Variants in GCN1 observed in about 807,000 individuals in gnomAD.
GCN1 encodes stalled ribosome sensor GCN1.
In GCN1, 90 loss-of-function variants were observed where a neutral mutation model predicts 288.4. The ratio of observed to expected loss-of-function variants is 0.31; its 90% CI spans 0.26 to 0.37. The LOEUF is 0.37. Among genes scored for constraint, GCN1 ranks in the 10% least tolerant of loss-of-function variants. The pLI is 1.00. For synonymous variants in GCN1, 1,386 were observed against 1,420.2 expected (o/e 0.98, Z 0.54); for missense variants, 2,586 against 3,419.9 (o/e 0.76, Z 6.08).
Position 120,161,449 on chromosome 12 carries a change from A to C in GCN1, c.2436+41T>G, listed in dbSNP as rs1877922743. The C allele has an allele frequency of 2.2e-6, 3 of 1,384,306 alleles. No individual in the cohort carries two copies. In the East Asian group the frequency reaches 6.8e-5, roughly 32 times the overall value. The allele number at this position is 1,384,306 out of a possible 1,614,324, so 85.8% of individuals were successfully genotyped here. A position where few individuals can be genotyped will look rare whatever the true frequency, so the allele number is the denominator to read the frequency against. ...AAAAGCCACCAGCTTGAGGCCACCA[A>C]GCTCAGCAGCCACCTTCCGTAAGTG... On this transcript the variant is annotated intron_variant, in intron 22 of 57. Transcript: ENST00000300648.
At chr12:120,192,020 A>T (rs1046687468) in intron 1 of GCN1, among the ~76,000 whole-genome samples, 4 of 152,210 alleles carry the variant, frequency 2.6e-5, no homozygotes, top group Non-Finnish European at 5.9e-5. Flanking sequence ...CAGTGATTAC[A>T]TTATATGTAA....
chr12:120,135,784 G>C (rs1048145806), intron 51 of GCN1, among the ~76,000 whole-genome samples: 5 of 152,082 alleles, frequency 3.3e-5, no homozygotes, highest in African/African-American at 1.2e-4. Flanking sequence ...GGGATAGGGG[G>C]AGCTGGTAAA....
intron 46 of GCN1, 84 bp from the exon 47 acceptor site, chr12:120,138,499 T>C (rs1408974421): frequency 9.6e-7 from 1 of 1,044,412 alleles, no homozygotes; most frequent in East Asian, 2.4e-5. Flanking sequence ...TCTCCACTTG[T>C]TTCCCTCCCT....
intron 38 of GCN1, among the ~76,000 whole-genome samples, chr12:120,146,660 A>C (rs1877373062): frequency 6.6e-6 from 1 of 152,196 alleles, no homozygotes; most frequent in South Asian, 2.1e-4. Context: ...GTGAGCTCCT[A>C]AGGCAGACAG....
chr12:120,144,272 C>T lies in GCN1; in HGVS notation c.5495+34G>A, dbSNP rs1448430425. ...ATTATAGGCATGAGCCACCACGCATCATCCCCACTGGGTCTTTCTGCCCAA... is the reference window on the plus strand; with the variant it reads ...ATTATAGGCATGAGCCACCACGCATTATCCCCACTGGGTCTTTCTGCCCAA... On this transcript the variant is annotated intron_variant, in intron 42 of 57. Coordinates refer to ENST00000300648, the MANE Select transcript of GCN1 (RefSeq NM_006836.2). The surrounding 1 kb of genome is among the most constrained non-coding windows in gnomAD (Gnocchi z 4.7). 8.1e-6 allele frequency: 13 copies of T among 1,612,830 alleles called. No individual in the cohort carries two copies. Among genetic ancestry groups the T allele is most frequent in the Middle Eastern group, 3.3e-4 (2 of 6,062 alleles).
intron 39 of GCN1, 31 bp from the exon 40 acceptor site, chr12:120,145,092 GAGA>G (rs774445425): frequency 1.2e-6 from 2 of 1,613,682 alleles, no homozygotes; most frequent in Admixed American, 1.7e-5. Flanking sequence ...GAGATGGTGT[GAGA>G]AGATGAGGCT....
chr12:120,128,815 G>A (rs1429703905), intron 57 of GCN1, among the ~76,000 whole-genome samples: 1 of 149,594 alleles, frequency 6.7e-6, no homozygotes, highest in Non-Finnish European at 1.5e-5. Flanking sequence ...ATGTTTTCAG[G>A]TACTGGGCCA....
At chr12:120,132,299 T>G (rs1439515081) in intron 53 of GCN1, among the ~76,000 whole-genome samples, 3 of 123,648 alleles carry the variant, frequency 2.4e-5, no homozygotes, top group Non-Finnish European at 4.0e-5. Context: ...GTAATAGCAG[T>G]AATAACTGTA....
rs536402649 is a variant in GCN1, at chr12:120,187,753, C to T, written c.121+2545G>A. Among the ~76,000 whole-genome samples the T allele has an allele frequency of 1.2e-4, 19 of 152,124 alleles. No individual in the cohort carries two copies. In the East Asian group the frequency reaches 1.4e-3, roughly 11 times the overall value. On this transcript the variant is annotated intron_variant, in intron 2 of 57. Transcript: ENST00000300648. ...GGGGCTACAGCACCTCCAGGATTTC[C>T]GATTTGAGTTGCTCCAATGGAGCTG...
At chr12:120,173,901 A>G in intron 13 of GCN1, 75 bp from the exon 14 acceptor site, 1 of 1,332,862 alleles carries the variant, frequency 7.5e-7, no homozygotes, top group East Asian at 2.3e-5. Flanking sequence ...AGTGCAAAAA[A>G]CAAGCCAGAG....
rs1877160809 is a variant in GCN1 at position 120,140,736 on chromosome 12, C to G, written c.5994+123G>C. On this transcript the variant is annotated intron_variant, in intron 45 of 57. Transcript: ENST00000300648. ...CAGCCAGCACCTCCCCAGAGTGAGA[C>G]TGGCTCATCCCTGAGGGCAGCACAA... 5 of 864,502 alleles carry G rather than the reference C, an allele frequency of 5.8e-6. No individual in the cohort carries two copies. In the South Asian group the frequency reaches 9.3e-5, roughly 16 times the overall value. 53.6% of individuals were successfully genotyped at this position (864,502 alleles called of 1,614,324 possible).
intron 53 of GCN1, among the ~76,000 whole-genome samples, chr12:120,132,899 A>T (rs1211981801): frequency 6.6e-6 from 1 of 152,244 alleles, no homozygotes; most frequent in East Asian, 1.9e-4. Flanking sequence ...AGCTCGAAGC[A>T]GAAGCCCAGG....
rs780203399 is a variant in GCN1, at chr12:120,134,763, G to C, written c.7009-37C>G. On this transcript the variant is annotated intron_variant, in intron 51 of 57. Coordinates refer to ENST00000300648, the MANE Select transcript of GCN1 (RefSeq NM_006836.2). The surrounding 1 kb of genome is among the most constrained non-coding windows in gnomAD (Gnocchi z 5.0). ...ACCCACATCCATGAAAGACAGTTGTGGTAGACCCAAAGCCACAGTGTACCA... is the reference window on the plus strand; with the variant it reads ...ACCCACATCCATGAAAGACAGTTGTCGTAGACCCAAAGCCACAGTGTACCA... The C allele has an allele frequency of 6.3e-7, 1 of 1,579,100 alleles. No individual in the cohort carries two copies. The highest frequency in any genetic ancestry group is 8.7e-7 in the Non-Finnish European group (1 of 1,150,498).
chr12:120,187,905 A>AC (rs1878873528), intron 2 of GCN1, among the ~76,000 whole-genome samples: 3 of 152,042 alleles, frequency 2.0e-5, no homozygotes, highest in African/African-American at 7.3e-5. Context: ...AAAAAAACAA[A>AC]AAACTAGAAT....
Position 120,132,815 on chromosome 12 carries a change from C to T in GCN1, c.7318-793G>A, listed in dbSNP as rs2286042. Among the ~76,000 whole-genome samples, 5 of 152,264 alleles carry T rather than the reference C, an allele frequency of 3.3e-5. No homozygotes were observed. In the East Asian group the frequency reaches 9.6e-4, roughly 29 times the overall value. ...CAAAAAGCTAATGCCAGGCTGGCAC[C>T]CTGAACTGCCACCTTCAATCTGAGT... On this transcript the variant is annotated intron_variant, in intron 53 of 57. Coordinates refer to ENST00000300648, the MANE Select transcript of GCN1 (RefSeq NM_006836.2).
chr12:120,159,589 G>C (rs1269382556), intron 24 of GCN1, among the ~76,000 whole-genome samples: 1 of 152,176 alleles, frequency 6.6e-6, no homozygotes, highest in Non-Finnish European at 1.5e-5. Context: ...ACACTGACTA[G>C]CATCTAAAAC....
chr12:120,160,561 G>A (rs1877893455), intron 22 of GCN1, among the ~76,000 whole-genome samples: 1 of 152,224 alleles, frequency 6.6e-6, no homozygotes, highest in Non-Finnish European at 1.5e-5. Context: ...TATTCTGACA[G>A]CCAAATGGAT....
chr12:120,140,834 G>C (rs766162412), intron 45 of GCN1, 25 bp downstream of exon 45: 4 of 1,607,996 alleles, frequency 2.5e-6, no homozygotes, highest in Non-Finnish European at 3.4e-6. Flanking sequence ...GTGCACAGCT[G>C]GCGGGATCCT....
Position 120,137,402 on chromosome 12 carries a change from G to C in GCN1, c.6664-83C>G, listed in dbSNP as rs1877043568. The C allele has an allele frequency of 2.7e-5, 38 of 1,414,712 alleles. No individual in the cohort carries two copies. Among genetic ancestry groups the C allele is most frequent in the Non-Finnish European group, 3.8e-5 (38 of 1,003,052 alleles). The allele number at this position is 1,414,712 out of a possible 1,614,324, so 87.6% of individuals were successfully genotyped here. The stretch of plus-strand genomic sequence containing the variant: ...AGAATATATGGGGAAAGCGTGGGCG[G>C]GAGTATAAACAAGACTTGCCACGAG... On this transcript the variant is annotated intron_variant, in intron 49 of 57. Transcript: ENST00000300648. This position sits in a 1 kb window ranked among gnomAD's most constrained non-coding sequence, Gnocchi z 5.2.
Sources: gnomAD v4.1 joint callset for allele counts (sites outside exome capture counted in the v4.1 genomes callset) on GRCh38, gnomAD v4.1.1 for gene constraint, Gnocchi (gnomAD v3.1) non-coding constraint, MANE v1.5 for transcripts, NCBI Gene and HGNC (gene_info 2026-07-23, HGNC 2026-07-21) for gene names.